AP3M2: variants seen among roughly 807,000 people sequenced by gnomAD.
AP3M2 encodes AP-3 complex subunit mu-2.
AP3M2 carries 28 observed loss-of-function variants against 41.6 expected under a neutral mutation model. That is an observed-to-expected ratio of 0.67 (90% confidence interval 0.50 to 0.92). The LOEUF (loss-of-function observed/expected upper bound fraction) is 0.92, where lower values mean the gene tolerates loss of function less well. Ranked by LOEUF, AP3M2 falls within the 40% of genes least tolerant of loss-of-function variation. AP3M2 has a pLI of 0.00. For synonymous variants in AP3M2, 193 were observed against 186.4 expected, an observed-to-expected ratio of 1.04 and a Z score of -0.29; for missense variants, 427 against 521.4, an observed-to-expected ratio of 0.82 and a Z score of 1.76.
rs116555941 is a variant in AP3M2 at position 42,162,235 on chromosome 8, C to G, written c.446-46C>G. The G allele has an allele frequency of 1.2e-4, 194 of 1,558,306 alleles. No homozygotes were observed. The African/African-American group carries it at 2.4e-3, about 19-fold the overall frequency. On this transcript the variant is annotated intron_variant, in intron 3 of 8. Transcript: ENST00000396926. ...CTTCTAGGGAGGTGTTCTGTGGTTTCTAGAGTCAAAATGGTGTTAAAATAC... is the reference window on the plus strand; with the variant it reads ...CTTCTAGGGAGGTGTTCTGTGGTTTGTAGAGTCAAAATGGTGTTAAAATAC...
chr8:42,160,259 C>T (rs116737079), intron 3 of AP3M2, among the ~76,000 whole-genome samples: 2,931 of 152,256 alleles, frequency 0.019, 90 homozygotes, highest in African/African-American at 0.067. Context: ...ATTACTCAAT[C>T]TGTATGAAGT....
intron 4 of AP3M2, among the ~76,000 whole-genome samples, chr8:42,162,716 G>A (rs1392413944): frequency 7.9e-5 from 12 of 151,956 alleles, no homozygotes; most frequent in Admixed American, 7.2e-4. Context: ...AAGCTGAGGC[G>A]GGAGGATTGC....
chr8:42,167,866 T>C (rs760611577), intron 8 of AP3M2, 56 bp downstream of exon 8: 47 of 1,560,630 alleles, frequency 3.0e-5, no homozygotes, highest in Non-Finnish European at 4.0e-5. Flanking sequence ...CTTTCTGCCA[T>C]ATGGCGCAGG....
intron 2 of AP3M2, among the ~76,000 whole-genome samples, chr8:42,156,737 A>G (rs1278721957): frequency 3.3e-5 from 5 of 152,152 alleles, no homozygotes. Context: ...ATCTAATGTA[A>G]TTTAGACTCT....
At chr8:42,155,293 A>G (rs1296549254) in intron 2 of AP3M2, among the ~76,000 whole-genome samples, 2 of 152,222 alleles carry the variant, frequency 1.3e-5, no homozygotes, top group Non-Finnish European at 2.9e-5. Flanking sequence ...AACCATTGTT[A>G]TCTGCATTGC....
At chr8:42,165,352 AT>A in intron 5 of AP3M2, 74 bp from the exon 6 acceptor site, 1 of 1,556,034 alleles carries the variant, frequency 6.4e-7, no homozygotes, top group Non-Finnish European at 8.8e-7. Flanking sequence ...TAAAAACAGC[AT>A]TTAAATTGCT....
At chr8:42,161,204 A>G (rs999479745) in intron 3 of AP3M2, among the ~76,000 whole-genome samples, 14 of 151,454 alleles carry the variant, frequency 9.2e-5, no homozygotes, top group Admixed American at 3.9e-4. Context: ...TCTGAAGGCT[A>G]AGGTGGGAGG....
rs67923954 is a variant in AP3M2 at position 42,162,943 on chromosome 8, C to CAA, written c.583+552_583+553dup. On this transcript the variant is annotated intron_variant, in intron 4 of 8. Transcript: ENST00000396926. ...CCTGGGCAACAGCAAGACCCTGTCT[C>CAA]AAAAAAAAAAAAAAAAAAAAAAAAA... Among the ~76,000 whole-genome samples, 408 of 54,182 alleles carry CAA rather than the reference C, an allele frequency of 7.5e-3. 49 individuals are homozygous for CAA. Among genetic ancestry groups the CAA allele is most frequent in the African/African-American group, 0.034 (368 of 10,932 alleles). 35.5% of individuals were successfully genotyped at this position (54,182 alleles called of 152,430 possible).
intron 5 of AP3M2, 47 bp from the exon 6 acceptor site, chr8:42,165,380 G>A (rs758705138): frequency 1.0e-5 from 16 of 1,605,042 alleles, no homozygotes; most frequent in South Asian, 1.1e-5. Context: ...AAAGCACTGC[G>A]GGTGTTTAAT....
intron 2 of AP3M2, among the ~76,000 whole-genome samples, chr8:42,156,814 C>T (rs997067743): frequency 2.6e-5 from 4 of 152,044 alleles, no homozygotes; most frequent in African/African-American, 9.7e-5. Flanking sequence ...GGAAACCATA[C>T]CTTATCATGA....
intron 4 of AP3M2, 96 bp from the exon 5 acceptor site, chr8:42,164,973 AGG>A: frequency 1.0e-6 from 1 of 1,000,964 alleles, no homozygotes; most frequent in South Asian, 1.6e-5. Flanking sequence ...GAGGAAGGTG[AGG>A]GAGAGAGGAA....
intron 2 of AP3M2, chr8:42,156,145 C>T (rs886736173): frequency 2.5e-6 from 1 of 400,186 alleles, no homozygotes; most frequent in Non-Finnish European, 5.0e-6. Context: ...TGATACTTTA[C>T]TCATTCTGAG....
chr8:42,164,416 T>A (rs1382617256), intron 4 of AP3M2, among the ~76,000 whole-genome samples: 4 of 152,146 alleles, frequency 2.6e-5, no homozygotes, highest in African/African-American at 7.2e-5. Flanking sequence ...TAAATGAACA[T>A]TGAAGCCTTG....
At chr8:42,167,637 C>A in intron 7 of AP3M2, 29 bp from the exon 8 acceptor site, 1 of 1,593,622 alleles carries the variant, frequency 6.3e-7, no homozygotes, top group Non-Finnish European at 8.5e-7. Flanking sequence ...TTTGGAAAGA[C>A]CACTTCTCCA....
Position 42,165,149 on chromosome 8 carries a change from C to G in AP3M2, c.662C>G (p.Ser221Cys), listed in dbSNP as rs371601370. ...ACTGGCATGCCAGACCTTACACTTT[C>G]CTTCATGGTAAAATCCTGGGCCAGA... ...KLTGMPDLTL[S>C]FMNPRLLDDV... The change falls in exon 5 of 9, where the codon TCC (serine) becomes TGC (cysteine). Residue 221 changes from serine to cysteine, a missense_variant. By Grantham distance (112) the Ser-to-Cys change is moderately radical. Transcript: ENST00000396926. The G allele has an allele frequency of 1.1e-4, 179 of 1,613,564 alleles. No homozygotes were observed. The highest frequency in any genetic ancestry group is 1.4e-4 in the Non-Finnish European group (169 of 1,179,824).
Position 42,158,079 on chromosome 8 carries a change from A to G in AP3M2, c.412A>G (p.Thr138Ala). Residue 138 changes from threonine to alanine, a missense_variant, in exon 3 of 9, where the codon ACC (threonine) becomes GCC (alanine). By Grantham distance (58) the Thr-to-Ala change is moderately conservative. This residue lies in a region of AP3M2 where 86 missense variants were observed against 142.6 expected (regional missense o/e 0.60). Coordinates refer to ENST00000396926, the MANE Select transcript of AP3M2 (RefSeq NM_006803.4). ...NILKELIKPP[T>A]ILRTVVNTIT... is the part of the protein sequence containing the mutation. ...TCTTAAAGAACTCATAAAGCCTCCT[A>G]CCATCCTTCGAACGGTTGTCAACAC... 1 of 1,613,960 alleles carries G rather than the reference A, an allele frequency of 6.2e-7. No homozygotes were observed. Among genetic ancestry groups the G allele is most frequent in the East Asian group, 2.2e-5 (1 of 44,884 alleles).
chr8:42,162,152 C>G lies in AP3M2; in HGVS notation c.446-129C>G, dbSNP rs532942483. The G allele has an allele frequency of 6.5e-6, 6 of 916,818 alleles. No individual in the cohort carries two copies. The East Asian group carries it at 1.4e-4, about 21-fold the overall frequency. 56.8% of individuals were successfully genotyped at this position (916,818 alleles called of 1,614,324 possible). A position where few individuals can be genotyped will look rare whatever the true frequency, so the allele number is the denominator to read the frequency against. ...ACCCCATATAGAAGTTGGGAAAAAC[C>G]TCATCTTCTGTTTGAAAAATTCTTC... On this transcript the variant is annotated intron_variant, in intron 3 of 8. Coordinates refer to ENST00000396926, the MANE Select transcript of AP3M2 (RefSeq NM_006803.4).
intron 4 of AP3M2, among the ~76,000 whole-genome samples, chr8:42,164,661 G>GT (rs1260488728): frequency 2.0e-5 from 3 of 152,184 alleles, no homozygotes; most frequent in Non-Finnish European, 2.9e-5. Context: ...GAGACTGGGA[G>GT]TGACCACTCA....
rs7001304 is a variant in AP3M2, at chr8:42,166,884, A to G, written c.804-280A>G. The G allele has an allele frequency of 1.5e-3, 614 of 402,172 alleles. 9 individuals carry two copies. Among genetic ancestry groups the G allele is most frequent in the African/African-American group, 0.011 (563 of 49,962 alleles). 24.9% of individuals were successfully genotyped at this position (402,172 alleles called of 1,614,324 possible). ...AAACATGGAGACATAATGACAATAC[A>G]TTTTTGTACATTATGCCTTTGTCAT... On this transcript the variant is annotated intron_variant, in intron 6 of 8. Coordinates refer to ENST00000396926, the MANE Select transcript of AP3M2 (RefSeq NM_006803.4).
Sources: gnomAD v4.1 joint callset for allele counts (sites outside exome capture counted in the v4.1 genomes callset) on GRCh38, gnomAD v4.1.1 for gene constraint, gnomAD v4.1.1 regional missense constraint, MANE v1.5 for transcripts, NCBI Gene and HGNC (gene_info 2026-07-23, HGNC 2026-07-21) for gene names.